Variants in CCDC91 observed in about 807,000 individuals in gnomAD.
CCDC91 encodes the protein coiled-coil domain containing 91, also known as coiled-coil domain-containing protein 91.
Under a neutral mutation model 63.2 loss-of-function variants are expected in CCDC91, and 48 were observed. The observed-to-expected ratio is 0.76, with a 90% CI of 0.60 to 0.97. CCDC91 has a LOEUF of 0.97. Among genes scored for constraint, CCDC91 ranks in the 50% least tolerant of loss-of-function variants. The probability of loss-of-function intolerance (pLI) is 0.00; values close to 1 mark genes in which losing one functional copy is unlikely to be tolerated. For missense variants in CCDC91, 500 were observed against 494.6 expected (o/e 1.01, Z -0.10); for synonymous variants, 167 against 165.8 (o/e 1.01, Z -0.06).
At chr12:28,503,630 G>A (rs941383877) in intron 12 of CCDC91, among the ~76,000 whole-genome samples, 61 of 152,224 alleles carry the variant, frequency 4.0e-4, no homozygotes, top group African/African-American at 1.4e-3. Flanking sequence ...AAAGACACAT[G>A]CACACGTATG....
intron 11 of CCDC91, among the ~76,000 whole-genome samples, chr12:28,483,662 A>G (rs1337498383): frequency 6.6e-6 from 1 of 152,128 alleles, no homozygotes; most frequent in African/African-American, 2.4e-5. Flanking sequence ...GCAAAATTAA[A>G]CGTGAATAAA....
intron 1 of CCDC91, among the ~76,000 whole-genome samples, chr12:28,233,610 A>G (rs1410255797): frequency 5.3e-5 from 8 of 152,280 alleles, no homozygotes; most frequent in South Asian, 2.1e-4. Flanking sequence ...AGCTTTGTGA[A>G]TACAAGGTCC....
At chr12:28,198,358 A>T (rs1034943688) in intron 1 of CCDC91, among the ~76,000 whole-genome samples, 1 of 152,230 alleles carries the variant, frequency 6.6e-6, no homozygotes, top group Non-Finnish European at 1.5e-5. Flanking sequence ...GGCTTATATG[A>T]ATATTATTTA....
At chr12:28,521,098 A>G (rs1339822912) in intron 12 of CCDC91, among the ~76,000 whole-genome samples, 4 of 152,114 alleles carry the variant, frequency 2.6e-5, no homozygotes, top group African/African-American at 4.8e-5. Context: ...GTTTTTTCCA[A>G]TTCTGTGAAG....
chr12:28,441,665 A>C (rs1949221476), intron 8 of CCDC91, among the ~76,000 whole-genome samples: 1 of 148,294 alleles, frequency 6.7e-6, no homozygotes, highest in Admixed American at 6.8e-5. Context: ...GTATATATAT[A>C]TATCTCATAT....
chr12:28,387,938 T>C (rs879141704), intron 7 of CCDC91, among the ~76,000 whole-genome samples: 1 of 152,190 alleles, frequency 6.6e-6, no homozygotes, highest in Non-Finnish European at 1.5e-5. Context: ...GTATTTCCAC[T>C]TTTAGTTTTT....
chr12:28,549,241 A>T lies in CCDC91; in HGVS notation c.*68A>T. On this transcript the variant is annotated 3_prime_UTR_variant, in exon 13 of 13. Coordinates refer to ENST00000536442, the MANE Select transcript of CCDC91 (RefSeq NM_018318.5). ...TACACCTTCAAAATACACACTCTGA[A>T]TTATAAAGATGTGTTTGTTTTCTTT... The T allele has an allele frequency of 1.2e-6, 1 of 850,912 alleles. No homozygotes were observed. Among genetic ancestry groups the T allele is most frequent in the South Asian group, 1.5e-5 (1 of 68,444 alleles). 52.7% of individuals were successfully genotyped at this position (850,912 alleles called of 1,614,324 possible).
intron 8 of CCDC91, among the ~76,000 whole-genome samples, chr12:28,396,204 A>C (rs1266608321): frequency 1.3e-5 from 2 of 152,192 alleles, no homozygotes; most frequent in Admixed American, 6.5e-5. Context: ...AGCATGAAAG[A>C]GGCAGATGGA....
intron 8 of CCDC91, among the ~76,000 whole-genome samples, chr12:28,449,208 A>G (rs145683911): frequency 4.6e-5 from 7 of 152,196 alleles, no homozygotes; most frequent in Non-Finnish European, 7.4e-5. Context: ...TACTCTCAAT[A>G]TAGACTGTCT....
At chr12:28,547,073 C>T (rs1405438431) in intron 12 of CCDC91, among the ~76,000 whole-genome samples, 1 of 151,806 alleles carries the variant, frequency 6.6e-6, no homozygotes, top group African/African-American at 2.4e-5. Flanking sequence ...TTGTGTGGAC[C>T]CTCTCAAACT....
At chr12:28,481,328 C>T (rs1209756935) in intron 11 of CCDC91, among the ~76,000 whole-genome samples, 2 of 151,898 alleles carry the variant, frequency 1.3e-5, no homozygotes, top group Admixed American at 6.6e-5. Context: ...AGGATGCTCC[C>T]TTACAGCAAA....
At chr12:28,326,568 A>T (rs1941028136) in intron 6 of CCDC91, among the ~76,000 whole-genome samples, 1 of 114,836 alleles carries the variant, frequency 8.7e-6, no homozygotes, top group African/African-American at 3.6e-5. Context: ...ACCCCACAAC[A>T]GTCCCCAGAG....
chr12:28,414,245 T>A (rs2139775490), intron 8 of CCDC91, among the ~76,000 whole-genome samples: 1 of 152,250 alleles, frequency 6.6e-6, no homozygotes, highest in African/African-American at 2.4e-5. Flanking sequence ...CCTCTAGAAA[T>A]GTGTAACAAC....
At chr12:28,331,471 T>A (rs1396726019) in intron 6 of CCDC91, among the ~76,000 whole-genome samples, 1 of 152,212 alleles carries the variant, frequency 6.6e-6, no homozygotes, top group African/African-American at 2.4e-5. Flanking sequence ...TAAGCCCTTT[T>A]GAAAAATCAT....
chr12:28,236,926 A>G (rs1305879643), intron 1 of CCDC91: 2 of 152,070 alleles, frequency 1.3e-5, no homozygotes, highest in African/African-American at 4.8e-5. Flanking sequence ...TCAAATCTCT[A>G]TCTCCCTTAC....
chr12:28,197,489 C>T (rs554450690), intron 1 of CCDC91, among the ~76,000 whole-genome samples: 1 of 151,988 alleles, frequency 6.6e-6, no homozygotes, highest in South Asian at 2.1e-4. Flanking sequence ...TATTGAATTC[C>T]AACTGCTACT....
At chr12:28,337,872 GT>G (rs566271996) in intron 6 of CCDC91, among the ~76,000 whole-genome samples, 15 of 151,450 alleles carry the variant, frequency 9.9e-5, no homozygotes, top group South Asian at 2.1e-4. Context: ...AATTTCTATA[GT>G]TTTTTTTATG....
chr12:28,367,090 G>C (rs1382315437), intron 7 of CCDC91, among the ~76,000 whole-genome samples: 1 of 152,140 alleles, frequency 6.6e-6, no homozygotes, highest in Admixed American at 6.5e-5. Flanking sequence ...CAGGAACCAA[G>C]AATATTTTGT....
intron 12 of CCDC91, among the ~76,000 whole-genome samples, chr12:28,516,086 A>T (rs1370408350): frequency 6.6e-6 from 1 of 151,996 alleles, no homozygotes; most frequent in Non-Finnish European, 1.5e-5. Context: ...ACATGTCAAA[A>T]TGTTTTCTAC....
Sources: gnomAD v4.1 joint callset for allele counts (sites outside exome capture counted in the v4.1 genomes callset) on GRCh38, gnomAD v4.1.1 for gene constraint, MANE v1.5 for transcripts, NCBI Gene and HGNC (gene_info 2026-07-23, HGNC 2026-07-21) for gene names.